The following KIF6 variants were observed in gnomAD, a reference collection of about 807,000 sequenced individuals.
The protein encoded by KIF6 is kinesin-like protein KIF6.
A neutral mutation model predicts 112.7 loss-of-function variants in KIF6; 106 were observed. The observed-to-expected ratio is 0.94, with a 90% CI of 0.80 to 1.11. The LOEUF (loss-of-function observed/expected upper bound fraction) is 1.11, where lower values mean the gene tolerates loss of function less well. KIF6 is among the 50% of genes least tolerant of loss of function. KIF6 has a pLI of 0.00. For synonymous variants in KIF6, 339 were observed against 339.9 expected, an observed-to-expected ratio of 1.00 and a Z score of 0.03; for missense variants, 929 against 964.0, an observed-to-expected ratio of 0.96 and a Z score of 0.48.
chr6:39,694,474 G>A (rs1302091926), intron 3 of KIF6, among the ~76,000 whole-genome samples: 1 of 152,166 alleles, frequency 6.6e-6, no homozygotes, highest in Non-Finnish European at 1.5e-5. Context: ...CAAAGTCTCA[G>A]AATACATAAA....
chr6:39,576,114 G>A (rs924621127), intron 10 of KIF6, among the ~76,000 whole-genome samples: 3 of 152,110 alleles, frequency 2.0e-5, no homozygotes, highest in Non-Finnish European at 1.5e-5. Flanking sequence ...ACAGGAATTC[G>A]CAGAAACACT....
intron 3 of KIF6, among the ~76,000 whole-genome samples, chr6:39,701,275 C>T (rs555833502): frequency 1.3e-4 from 20 of 152,324 alleles, no homozygotes; most frequent in Middle Eastern, 3.4e-3. Flanking sequence ...CCAGCCCCCA[C>T]GGGAAGCCCT....
intron 15 of KIF6, among the ~76,000 whole-genome samples, chr6:39,390,082 A>AAG (rs1162007588): frequency 6.6e-6 from 1 of 151,594 alleles, no homozygotes; most frequent in East Asian, 1.9e-4. Context: ...GAGGTAGACG[A>AAG]AGTTGAGTTC....
chr6:39,536,488 A>G lies in KIF6; in HGVS notation c.1645+3515T>C, dbSNP rs965263197. Among the ~76,000 whole-genome samples the G allele has an allele frequency of 7.4e-3, 1,125 of 151,892 alleles. 12 individuals carry two copies. Among genetic ancestry groups the G allele is most frequent in the African/African-American group, 0.025 (1,047 of 41,440 alleles). ...AGAAGAAATGGATAAATTCCTCGAC[A>G]CATACACTCTCCCAAGACTAAACCA... On this transcript the variant is annotated intron_variant, in intron 13 of 22. Coordinates refer to ENST00000287152, the MANE Select transcript of KIF6 (RefSeq NM_145027.6).
chr6:39,402,711 A>T (rs1465606408), intron 15 of KIF6, among the ~76,000 whole-genome samples: 1 of 152,152 alleles, frequency 6.6e-6, no homozygotes, highest in Non-Finnish European at 1.5e-5. Flanking sequence ...CTGCAGAGTA[A>T]TTGCAGGCTC....
intron 2 of KIF6, among the ~76,000 whole-genome samples, chr6:39,720,481 G>C (rs1356717553): frequency 6.6e-6 from 1 of 152,020 alleles, no homozygotes; most frequent in Non-Finnish European, 1.5e-5. Context: ...AGAAAGGCTG[G>C]AATCTTGGAA....
chr6:39,694,598 A>G (rs1788418469), intron 3 of KIF6, among the ~76,000 whole-genome samples: 1 of 152,152 alleles, frequency 6.6e-6, no homozygotes, highest in Non-Finnish European at 1.5e-5. Flanking sequence ...AATACCTAGC[A>G]CTAGATTTAG....
At chr6:39,683,188 T>C (rs953900530) in intron 3 of KIF6, among the ~76,000 whole-genome samples, 2 of 151,928 alleles carry the variant, frequency 1.3e-5, no homozygotes, top group Non-Finnish European at 2.9e-5. Context: ...TGATTGGATA[T>C]GATCTGCATT....
At chr6:39,639,424 C>T (rs573305104) in intron 4 of KIF6, among the ~76,000 whole-genome samples, 186 bp downstream of exon 4, 1 of 152,132 alleles carries the variant, frequency 6.6e-6, no homozygotes, top group East Asian at 1.9e-4. Flanking sequence ...ATGAGAAGTA[C>T]CTTCTTAATT....
At chr6:39,385,703 G>A (rs1455460156) in intron 15 of KIF6, 31 bp from the exon 16 acceptor site, 6 of 1,556,650 alleles carry the variant, frequency 3.9e-6, no homozygotes, top group Non-Finnish European at 4.4e-6. Flanking sequence ...AACTACCAGT[G>A]GGTTTCCAAT....
rs114276739 is a variant in KIF6 at position 39,670,280 on chromosome 6, C to A, written c.252-30523G>T. On this transcript the variant is annotated intron_variant, in intron 3 of 22. Transcript: ENST00000287152. ...TACAGATATTAAGGCAAGGTGTTTT[C>A]ACAAAGTTCAGTTAATCCTTGAATG... Among the ~76,000 whole-genome samples the A allele has an allele frequency of 4.5e-3, 678 of 152,278 alleles. 5 individuals are homozygous for A. The highest frequency in any genetic ancestry group is 0.015 in the African/African-American group (633 of 41,546).
intron 13 of KIF6, among the ~76,000 whole-genome samples, chr6:39,436,794 T>A (rs1771563533): frequency 6.6e-6 from 1 of 152,212 alleles, no homozygotes; most frequent in East Asian, 1.9e-4. Context: ...TGAAATCTGG[T>A]AATGTAATTC....
chr6:39,423,095 G>A (rs1013277469), intron 14 of KIF6, among the ~76,000 whole-genome samples: 5 of 152,188 alleles, frequency 3.3e-5, no homozygotes, highest in African/African-American at 1.2e-4. Flanking sequence ...GCTGGCTTTG[G>A]GGAGTGTAAG....
chr6:39,355,167 G>A (rs995136411), intron 19 of KIF6, among the ~76,000 whole-genome samples: 1 of 152,166 alleles, frequency 6.6e-6, no homozygotes, highest in Non-Finnish European at 1.5e-5. Context: ...GCATGAGTGA[G>A]AGTGAAACCC....
rs114902739 is a variant in KIF6, at chr6:39,357,095, C to G, written c.2180+182G>C. 1.7e-3 allele frequency among the ~76,000 whole-genome samples: 252 copies of G among 152,276 alleles called. 1 individual carries two copies. The highest frequency in any genetic ancestry group is 5.7e-3 in the African/African-American group (237 of 41,558). On this transcript the variant is annotated intron_variant, in intron 19 of 22. Coordinates refer to ENST00000287152, the MANE Select transcript of KIF6 (RefSeq NM_145027.6). ...CAGAGTGAGGGACTGAAGGGGTGTG[C>G]ACTCCAACCAACTTGAAAGCCACTG...
intron 3 of KIF6, among the ~76,000 whole-genome samples, chr6:39,653,313 C>T (rs1000635616): frequency 3.9e-5 from 6 of 152,010 alleles, no homozygotes; most frequent in African/African-American, 1.4e-4. Context: ...AAATTAACTA[C>T]AACAAAAAAT....
At chr6:39,516,356 T>C (rs1249114540) in intron 13 of KIF6, among the ~76,000 whole-genome samples, 1 of 149,172 alleles carries the variant, frequency 6.7e-6, no homozygotes, top group Non-Finnish European at 1.5e-5. Context: ...ATTTATATAG[T>C]AAATACATGT....
intron 3 of KIF6, among the ~76,000 whole-genome samples, chr6:39,658,404 A>T (rs1426766763): frequency 1.3e-5 from 2 of 152,208 alleles, no homozygotes; most frequent in African/African-American, 4.8e-5. Flanking sequence ...AAAAGTATAG[A>T]AAGCACCTAT....
rs1036174898 is a variant in KIF6 at position 39,521,857 on chromosome 6, A to G, written c.1645+18146T>C. Among the ~76,000 whole-genome samples the G allele has an allele frequency of 3.9e-5, 6 of 152,276 alleles. No individual in the cohort carries two copies. In the South Asian group the frequency reaches 6.2e-4, roughly 16 times the overall value. On this transcript the variant is annotated intron_variant, in intron 13 of 22. Coordinates refer to ENST00000287152, the MANE Select transcript of KIF6 (RefSeq NM_145027.6). ...AGGCCTGTACCCTCAAGGATAATCA[A>G]TCTTACCATGACTTTTATCCTGTCA...
Sources: allele counts gnomAD v4.1 joint callset (sites outside exome capture counted in the v4.1 genomes callset), GRCh38; gene constraint gnomAD v4.1.1; transcripts MANE v1.5; gene names NCBI Gene and HGNC (gene_info 2026-07-23, HGNC 2026-07-21).